ABHD18: variants seen among roughly 807,000 people sequenced by gnomAD.
ABHD18 encodes the protein abhydrolase domain containing 18.
In ABHD18, 55 loss-of-function variants were observed where a neutral mutation model predicts 65.9. That is an observed-to-expected ratio of 0.84 (90% CI 0.67 to 1.05). The LOEUF is 1.05. Among genes scored for constraint, ABHD18 ranks in the 50% least tolerant of loss-of-function variants. The probability of loss-of-function intolerance (pLI) is 0.00; values close to 1 mark genes in which losing one functional copy is unlikely to be tolerated. For synonymous variants in ABHD18, 181 were observed against 180.2 expected (o/e 1.00, Z -0.04); for missense variants, 533 against 558.5 (o/e 0.95, Z 0.46).
intron 7 of ABHD18, among the ~76,000 whole-genome samples, chr4:128,015,223 C>T (rs942829142): frequency 6.6e-6 from 1 of 151,938 alleles, no homozygotes; most frequent in African/African-American, 2.4e-5. Context: ...CCAGCCTGGG[C>T]AATGAGAGTG....
intron 1 of ABHD18, among the ~76,000 whole-genome samples, chr4:127,968,056 A>G (rs1395594272): frequency 6.6e-6 from 1 of 152,200 alleles, no homozygotes; most frequent in Non-Finnish European, 1.5e-5. Flanking sequence ...AAAAATACAA[A>G]AAAGTAGCCG....
At chr4:127,988,301 G>C (rs553238302) in intron 3 of ABHD18, among the ~76,000 whole-genome samples, 1 of 152,096 alleles carries the variant, frequency 6.6e-6, no homozygotes, top group Non-Finnish European at 1.5e-5. Context: ...TGTAATCATG[G>C]CTCACTGCAG....
intron 10 of ABHD18, among the ~76,000 whole-genome samples, chr4:128,023,801 G>C (rs147658074): frequency 0.03 from 4,608 of 152,194 alleles, 305 homozygotes; most frequent in East Asian, 0.26. Context: ...GGAGAATGGC[G>C]TGAACCCAGA....
intron 3 of ABHD18, among the ~76,000 whole-genome samples, chr4:127,987,421 A>T (rs1750156455): frequency 6.6e-6 from 1 of 152,008 alleles, no homozygotes; most frequent in South Asian, 2.1e-4. Context: ...TATAAAATAC[A>T]TAAGAGGGTT....
rs1756430191 is a variant in ABHD18 at position 128,021,142 on chromosome 4, G to A, written c.705G>A (p.Val235=). The A allele has an allele frequency of 1.9e-6, 3 of 1,538,960 alleles. No individual in the cohort carries two copies. The highest frequency in any genetic ancestry group is 1.2e-5 in the South Asian group (1 of 83,714). The stretch of plus-strand genomic sequence containing the variant: ...AATTTAGCTTATTATTTCAGGGTGT[G>A]TTGAGTAAATCAATTAATTGGAGGG... ...STASGVFTTG[V]LSKSINWREL... is the part of the protein sequence containing the mutation. The change falls in exon 10 of 13, where the codon GTG becomes GTA. Residue 235 remains valine (V), a synonymous_variant. Transcript: ENST00000645843.
At chr4:127,992,123 G>T (rs896998108) in intron 4 of ABHD18, among the ~76,000 whole-genome samples, 2 of 152,076 alleles carry the variant, frequency 1.3e-5, no homozygotes, top group Non-Finnish European at 2.9e-5. Context: ...CTCTGAACCA[G>T]GCTTTATAAA....
intron 1 of ABHD18, among the ~76,000 whole-genome samples, chr4:127,970,835 G>A (rs1215437400): frequency 6.6e-6 from 1 of 151,974 alleles, no homozygotes; most frequent in Non-Finnish European, 1.5e-5. Flanking sequence ...AGCACTTTGG[G>A]AGGCCAAGGT....
intron 4 of ABHD18, among the ~76,000 whole-genome samples, chr4:128,008,140 T>G (rs1396035421): frequency 6.6e-6 from 1 of 151,372 alleles, no homozygotes; most frequent in Non-Finnish European, 1.5e-5. Context: ...TGTGGGCCTG[T>G]ACTCCTAGCT....
chr4:127,977,672 G>A (rs1173410649), intron 1 of ABHD18, among the ~76,000 whole-genome samples: 4 of 152,116 alleles, frequency 2.6e-5, no homozygotes, highest in Non-Finnish European at 5.9e-5. Flanking sequence ...GTAGAAAGAT[G>A]CATATTGCAT....
intron 8 of ABHD18, among the ~76,000 whole-genome samples, chr4:128,018,195 T>C (rs1755838226): frequency 6.6e-6 from 1 of 152,222 alleles, no homozygotes; most frequent in South Asian, 2.1e-4. Context: ...CTTTTTACTG[T>C]ACTTTACTGA....
chr4:127,969,985 G>A (rs1746416122), intron 1 of ABHD18, among the ~76,000 whole-genome samples: 1 of 151,956 alleles, frequency 6.6e-6, no homozygotes, highest in Non-Finnish European at 1.5e-5. Flanking sequence ...CTGGGCCCGA[G>A]CAGTCCTCCC....
intron 3 of ABHD18, among the ~76,000 whole-genome samples, chr4:127,987,177 C>T (rs1026272694): frequency 2.0e-5 from 3 of 151,722 alleles, no homozygotes; most frequent in African/African-American, 4.8e-5. Context: ...CATGGTGAAA[C>T]CTCGTCTCTA....
intron 4 of ABHD18, chr4:128,001,874 C>T: frequency 8.6e-7 from 1 of 1,160,122 alleles, no homozygotes; most frequent in Non-Finnish European, 1.1e-6. Flanking sequence ...TTGTGCCTGC[C>T]ACTCAGAAGA....
intron 6 of ABHD18, among the ~76,000 whole-genome samples, chr4:128,011,426 G>A (rs1362890515): frequency 6.6e-6 from 1 of 151,308 alleles, no homozygotes; most frequent in Non-Finnish European, 1.5e-5. Context: ...GGGATTACAG[G>A]CGTGAGCCAC....
intron 10 of ABHD18, among the ~76,000 whole-genome samples, chr4:128,026,144 C>A (rs928862595): frequency 2.0e-5 from 3 of 152,128 alleles, no homozygotes; most frequent in African/African-American, 7.2e-5. Flanking sequence ...CAAAAATTAG[C>A]CGGGCATGGT....
intron 12 of ABHD18, among the ~76,000 whole-genome samples, chr4:128,032,462 G>A (rs1758347121): frequency 6.6e-6 from 1 of 152,194 alleles, no homozygotes; most frequent in Admixed American, 6.5e-5. Context: ...CAAGGCGGGT[G>A]GATCATGACA....
intron 4 of ABHD18, among the ~76,000 whole-genome samples, chr4:127,993,375 T>C (rs2149094090): frequency 6.6e-6 from 1 of 152,310 alleles, no homozygotes; most frequent in East Asian, 1.9e-4. Context: ...CAAGTTGACT[T>C]CCTGTCTCTG....
intron 4 of ABHD18, among the ~76,000 whole-genome samples, chr4:127,996,772 T>C (rs1284328484): frequency 6.6e-6 from 1 of 152,138 alleles, no homozygotes; most frequent in Non-Finnish European, 1.5e-5. Flanking sequence ...ATGTATTCCT[T>C]CCCCAGGGTT....
chr4:128,017,265 G>A, intron 7 of ABHD18, 98 bp from the exon 8 acceptor site: 1 of 1,150,442 alleles, frequency 8.7e-7, no homozygotes, highest in Non-Finnish European at 1.2e-6. Flanking sequence ...TGGTCCTTTA[G>A]AAGAGATGCA....
Sources: gnomAD v4.1 joint callset for allele counts (sites outside exome capture counted in the v4.1 genomes callset) on GRCh38, gnomAD v4.1.1 for gene constraint, MANE v1.5 for transcripts, NCBI Gene and HGNC (gene_info 2026-07-23, HGNC 2026-07-21) for gene names.